Variants in PPP2R2C observed in about 807,000 individuals in gnomAD.
The protein encoded by PPP2R2C is protein phosphatase 2 regulatory subunit Bgamma, also known as protein phosphatase 2, regulatory subunit B, gamma.
A neutral mutation model predicts 45.3 loss-of-function variants in PPP2R2C; 10 were observed. That is an observed-to-expected ratio of 0.22 (90% CI 0.14 to 0.37). The LOEUF (loss-of-function observed/expected upper bound fraction) is 0.37. PPP2R2C is among the 10% of genes least tolerant of loss of function. PPP2R2C has a pLI of 1.00. For missense variants in PPP2R2C, 308 were observed against 619.7 expected (o/e 0.50, Z 5.34); for synonymous variants, 257 against 245.4 (o/e 1.05, Z -0.44).
In PPP2R2C at chr4:6,383,015, G is replaced by C. The variant is rs1054982104; in HGVS notation, c.71-1921C>G. ...CCAAACCTTCACCCCTCCCATGGTG[G>C]GCCAGGTGACCTGTTCTCTGCCCCC... On this transcript the variant is annotated intron_variant, in intron 1 of 8. Transcript: ENST00000382599. 12 of 1,069,972 alleles carry C rather than the reference G, an allele frequency of 1.1e-5. No individual in the cohort carries two copies. The African/African-American group carries it at 1.9e-4, about 17-fold the overall frequency. The allele number at this position is 1,069,972 out of a possible 1,614,324, so 66.3% of individuals were successfully genotyped here.
At chr4:6,463,220 T>C (rs539141941) in intron 1 of PPP2R2C, among the ~76,000 whole-genome samples, 22 of 152,356 alleles carry the variant, frequency 1.4e-4, no homozygotes, top group African/African-American at 4.6e-4. Flanking sequence ...GCTCGCTCTC[T>C]CTCTGCTTCA....
intron 8 of PPP2R2C, among the ~76,000 whole-genome samples, chr4:6,327,379 T>C (rs981534050): frequency 3.3e-5 from 5 of 152,124 alleles, no homozygotes; most frequent in East Asian, 1.9e-4. Context: ...AGCCCAGGCC[T>C]AGACACCACT....
intron 6 of PPP2R2C, among the ~76,000 whole-genome samples, chr4:6,344,398 T>A (rs142549119): frequency 6.8e-4 from 103 of 152,330 alleles, no homozygotes; most frequent in African/African-American, 2.2e-3. Flanking sequence ...GAAATGGATG[T>A]GTCTGTGCTT....
chr4:6,437,059 C>A (rs1237747289), intron 1 of PPP2R2C, among the ~76,000 whole-genome samples: 2 of 152,194 alleles, frequency 1.3e-5, no homozygotes, highest in Non-Finnish European at 2.9e-5. Context: ...AATGCAGAAT[C>A]CCACAAGGCT....
At chr4:6,339,935 T>C (rs1733318575) in intron 6 of PPP2R2C, among the ~76,000 whole-genome samples, 1 of 152,184 alleles carries the variant, frequency 6.6e-6, no homozygotes, top group African/African-American at 2.4e-5. Flanking sequence ...ATGGGGGTTA[T>C]GGATCCCCGA....
At chr4:6,440,069 G>A (rs774010715) in intron 1 of PPP2R2C, among the ~76,000 whole-genome samples, 4 of 152,122 alleles carry the variant, frequency 2.6e-5, no homozygotes, top group Non-Finnish European at 4.4e-5. Context: ...AGGTCTCACA[G>A]GCTGGGTGGC....
intron 2 of PPP2R2C, among the ~76,000 whole-genome samples, chr4:6,517,323 C>A (rs1036973315): frequency 2.6e-5 from 4 of 152,210 alleles, no homozygotes; most frequent in Non-Finnish European, 5.9e-5. Flanking sequence ...CTGGAGTCAG[C>A]CTATCTGGGT....
rs1370908762 is a variant in PPP2R2C, at chr4:6,414,070, CTGTGTATGTGTGTGTGTG to C, written c.71-32994_71-32977del. 80 of 1,202,492 alleles carry C rather than the reference CTGTGTATGTGTGTGTGTG, an allele frequency of 6.7e-5. 1 individual carries two copies. The highest frequency in any genetic ancestry group is 2.8e-4 in the Middle Eastern group (1 of 3,522). 74.5% of individuals were successfully genotyped at this position (1,202,492 alleles called of 1,614,324 possible). A position where few individuals can be genotyped will look rare whatever the true frequency, so the allele number is the denominator to read the frequency against. ...CATGGGACAGTAACATAAGTTTTGCCTGTGTATGTGTGTGTGTGTGTGTGTGTGTGTGTGTGTGTGTGT... is the reference window on the plus strand; with the variant it reads ...CATGGGACAGTAACATAAGTTTTGCCTGTGTGTGTGTGTGTGTGTGTGTGT... On this transcript the variant is annotated intron_variant, in intron 1 of 8. Transcript: ENST00000382599.
chr4:6,342,759 C>G (rs937547384), intron 6 of PPP2R2C, among the ~76,000 whole-genome samples: 4 of 152,188 alleles, frequency 2.6e-5, no homozygotes, highest in African/African-American at 9.7e-5. Context: ...TCACAAGACG[C>G]GGATTTCCAG....
At chr4:6,338,800 C>A (rs762626624) in intron 6 of PPP2R2C, among the ~76,000 whole-genome samples, 8 of 152,164 alleles carry the variant, frequency 5.3e-5, no homozygotes, top group Non-Finnish European at 1.2e-4. Context: ...GGCATCTCCC[C>A]CTGCCTCCCG....
chr4:6,479,386 G>A (rs1722271752), intron 2 of PPP2R2C, among the ~76,000 whole-genome samples: 1 of 152,164 alleles, frequency 6.6e-6, no homozygotes, highest in Non-Finnish European at 1.5e-5. Context: ...CTTTCCTCCA[G>A]TGAAATGATA....
chr4:6,549,833 C>T (rs1027849986), intron 1 of PPP2R2C, among the ~76,000 whole-genome samples: 1 of 152,224 alleles, frequency 6.6e-6, no homozygotes, highest in African/African-American at 2.4e-5. Flanking sequence ...CCTGCCCTGA[C>T]AGTCCTTATG....
intron 1 of PPP2R2C, among the ~76,000 whole-genome samples, chr4:6,557,051 C>A (rs1338894544): frequency 6.6e-6 from 1 of 152,166 alleles, no homozygotes; most frequent in African/African-American, 2.4e-5. Flanking sequence ...TGGAAAGGAA[C>A]AAGGGGTACA....
At chr4:6,480,304 T>C (rs923879756) in intron 2 of PPP2R2C, among the ~76,000 whole-genome samples, 3 of 152,206 alleles carry the variant, frequency 2.0e-5, no homozygotes, top group African/African-American at 7.2e-5. Context: ...TCATTGATCT[T>C]GCAAGCTGGC....
rs765650812 is a variant in PPP2R2C, at chr4:6,347,987, T to G, written c.649A>C (p.Asn217His). Residue 217 changes from asparagine to histidine, a missense_variant, in exon 6 of 9, where the codon AAC becomes CAC. Coordinates refer to ENST00000382599, the MANE Select transcript of PPP2R2C (RefSeq NM_020416.4). ...SFNIVDIKPA[N>H]MEDLTEVITA... ...ATCACCTCCGTAAGGTCCTCCATGTTGGCCGGCTTGATGTCCACGATGTCT... is the reference window on the plus strand; with the variant it reads ...ATCACCTCCGTAAGGTCCTCCATGTGGGCCGGCTTGATGTCCACGATGTCT... 2 of 1,613,846 alleles carry G rather than the reference T, an allele frequency of 1.2e-6. No homozygotes were observed. The highest frequency in any genetic ancestry group is 2.7e-5 in the African/African-American group (2 of 74,896).
chr4:6,369,358 T>C (rs900766768), intron 5 of PPP2R2C, among the ~76,000 whole-genome samples: 2 of 152,212 alleles, frequency 1.3e-5, no homozygotes, highest in Non-Finnish European at 2.9e-5. Flanking sequence ...CCATTTTGTG[T>C]GCACAGCCGT....
intron 2 of PPP2R2C, among the ~76,000 whole-genome samples, chr4:6,512,665 G>GTGGTGATGGTGGTGGTGA (rs1723703145): frequency 6.7e-6 from 1 of 148,456 alleles, no homozygotes; most frequent in African/African-American, 2.5e-5. Context: ...GGTGGTGGTG[G>GTGGTGATGGTGGTGGTGA]TGGTGGTGGT....
At chr4:6,355,940 G>A (rs919622075) in intron 5 of PPP2R2C, among the ~76,000 whole-genome samples, 10 of 149,712 alleles carry the variant, frequency 6.7e-5, no homozygotes, top group African/African-American at 2.0e-4. Flanking sequence ...GTTGCAGTGA[G>A]CTGAGATCGT....
chr4:6,473,520 T>A (rs1722027696), upstream of PPP2R2C, among the ~76,000 whole-genome samples: 1 of 152,154 alleles, frequency 6.6e-6, no homozygotes, highest in Non-Finnish European at 1.5e-5. Context: ...CCCTAGGAGC[T>A]CAACAGAGCC....
Sources: allele counts gnomAD v4.1 joint callset (sites outside exome capture counted in the v4.1 genomes callset), GRCh38; gene constraint gnomAD v4.1.1; transcripts MANE v1.5; gene names NCBI Gene and HGNC (gene_info 2026-07-23, HGNC 2026-07-21).